The following EFCAB6 variants were observed in gnomAD, a reference collection of about 807,000 sequenced individuals.
EFCAB6 encodes the protein EF-hand calcium-binding domain-containing protein 6.
A neutral mutation model predicts 169.8 loss-of-function variants in EFCAB6; 156 were observed. That is an observed-to-expected ratio of 0.92 (90% confidence interval 0.81 to 1.05). EFCAB6 has a LOEUF of 1.05. Ranked by LOEUF, EFCAB6 falls within the 50% of genes least tolerant of loss-of-function variation. The pLI is 0.00. For missense variants in EFCAB6, 1,800 were observed against 1,829.1 expected (o/e 0.98, Z 0.29); for synonymous variants, 698 against 676.4 (o/e 1.03, Z -0.50).
At chr22:43,761,869 G>T (rs2061173465) in intron 5 of EFCAB6, among the ~76,000 whole-genome samples, 1 of 152,078 alleles carries the variant, frequency 6.6e-6, no homozygotes, top group South Asian at 2.1e-4. Flanking sequence ...CTCATTCTTT[G>T]ATAGTTCCAA....
At chr22:43,638,793 T>TAA (rs985482317) in intron 17 of EFCAB6, among the ~76,000 whole-genome samples, 1 of 152,062 alleles carries the variant, frequency 6.6e-6, no homozygotes, top group African/African-American at 2.4e-5. Context: ...CCTGTTCTTT[T>TAA]TTTTTTTTTG....
At chr22:43,589,971 A>G in intron 24 of EFCAB6, 103 bp downstream of exon 24, 3 of 1,447,224 alleles carry the variant, frequency 2.1e-6, no homozygotes, top group Non-Finnish European at 9.4e-7. Flanking sequence ...GGGTATTTTC[A>G]TCTCAGAAGG....
chr22:43,780,263 G>T (rs2061772599), intron 3 of EFCAB6, among the ~76,000 whole-genome samples: 1 of 152,014 alleles, frequency 6.6e-6, no homozygotes, highest in Admixed American at 6.5e-5. Flanking sequence ...GAGGGGGATA[G>T]ATCACTTGAG....
intron 4 of EFCAB6, among the ~76,000 whole-genome samples, chr22:43,772,633 T>C (rs1322215695): frequency 7.4e-5 from 8 of 107,490 alleles, no homozygotes; most frequent in African/African-American, 3.0e-4. Context: ...AAGAGTGAAA[T>C]TCTGTCTCAA....
chr22:43,609,184 A>G (rs2053134454), intron 21 of EFCAB6, among the ~76,000 whole-genome samples: 1 of 152,248 alleles, frequency 6.6e-6, no homozygotes, highest in African/African-American at 2.4e-5. Context: ...TGAGGTGGAT[A>G]TAACGGGTAC....
At chr22:43,596,045 G>A (rs1003307082) in intron 23 of EFCAB6, among the ~76,000 whole-genome samples, 2 of 151,928 alleles carry the variant, frequency 1.3e-5, no homozygotes, top group Non-Finnish European at 2.9e-5. Context: ...AAAATTCAAC[G>A]TCCTTTCTTG....
At chr22:43,768,058 C>T (rs938993713) in intron 4 of EFCAB6, among the ~76,000 whole-genome samples, 1 of 152,230 alleles carries the variant, frequency 6.6e-6, no homozygotes, top group Non-Finnish European at 1.5e-5. Context: ...TTTCTCCAAC[C>T]TGGCACAACC....
At chr22:43,613,266 C>T (rs145593536) in intron 21 of EFCAB6, among the ~76,000 whole-genome samples, 105 of 150,012 alleles carry the variant, frequency 7.0e-4, no homozygotes, top group Middle Eastern at 7.0e-3. Context: ...CAAATATATT[C>T]ATATCATATA....
chr22:43,741,169 C>T (rs2060356082), intron 6 of EFCAB6, among the ~76,000 whole-genome samples: 1 of 152,156 alleles, frequency 6.6e-6, no homozygotes, highest in Non-Finnish European at 1.5e-5. Context: ...CTAAGGCTCC[C>T]GACAATAGTG....
At position 43,635,366 on chromosome 22, in the gene EFCAB6, C is replaced by T. The variant is rs778361963; in HGVS notation, c.1984-150G>A. 26 of 639,954 alleles carry T rather than the reference C, an allele frequency of 4.1e-5. 1 individual carries two copies. Among genetic ancestry groups the T allele is most frequent in the South Asian group, 9.2e-5 (5 of 54,258 alleles). 39.6% of individuals were successfully genotyped at this position (639,954 alleles called of 1,614,324 possible). On this transcript the variant is annotated intron_variant, in intron 17 of 31. Coordinates refer to ENST00000262726, the MANE Select transcript of EFCAB6 (RefSeq NM_022785.4). ...CCCACAGGCTGCCAGGGGGTGGGAC[C>T]GAGTCTCCTGTGTCCCTGGGCCTTG...
At chr22:43,604,480 A>G (rs1232620494) in intron 22 of EFCAB6, among the ~76,000 whole-genome samples, 1 of 152,190 alleles carries the variant, frequency 6.6e-6, no homozygotes, top group Non-Finnish European at 1.5e-5. Flanking sequence ...ACTTCTTTGT[A>G]TTCAGTGCTT....
chr22:43,740,241 C>G lies in EFCAB6; in HGVS notation c.508-4248G>C, dbSNP rs549552046. ...CCAATCCTCTTATCTTCTCTCCAAACTCCTCTTCAAATGGCATCACCTCCT... is the reference window on the plus strand; with the variant it reads ...CCAATCCTCTTATCTTCTCTCCAAAGTCCTCTTCAAATGGCATCACCTCCT... On this transcript the variant is annotated intron_variant, in intron 6 of 31. Transcript: ENST00000262726. Among the ~76,000 whole-genome samples, 17 of 152,308 alleles carry G rather than the reference C, an allele frequency of 1.1e-4. 1 individual carries two copies. In the South Asian group the frequency reaches 2.7e-3, roughly 24 times the overall value.
intron 4 of EFCAB6, among the ~76,000 whole-genome samples, chr22:43,771,501 T>C (rs1245330672): frequency 6.6e-6 from 1 of 152,180 alleles, no homozygotes; most frequent in Non-Finnish European, 1.5e-5. Flanking sequence ...TACTTGTCTG[T>C]GTGTGTGCAT....
intron 17 of EFCAB6, among the ~76,000 whole-genome samples, chr22:43,641,517 G>A (rs993533433): frequency 6.6e-6 from 1 of 151,936 alleles, no homozygotes; most frequent in Non-Finnish European, 1.5e-5. Context: ...TTGGGAGGCT[G>A]AGGCAGGAGG....
intron 17 of EFCAB6, among the ~76,000 whole-genome samples, chr22:43,638,910 C>T (rs377175373): frequency 1.3e-4 from 20 of 151,968 alleles, no homozygotes; most frequent in South Asian, 6.3e-4. Context: ...CTCAGCCTCC[C>T]GAGTAGCTGG....
rs763217582 is a variant in EFCAB6 at position 43,668,998 on chromosome 22, T to C, written c.1688A>G (p.Lys563Arg). 1 of 1,612,266 alleles carries C rather than the reference T, an allele frequency of 6.2e-7. No individual in the cohort carries two copies. The highest frequency in any genetic ancestry group is 1.1e-5 in the South Asian group (1 of 90,494). ...QDIGSGRILY[K>R]KLLACIGIDG... ...AATTCCTATGCATGCCAAAAGTTTC[T>C]TGTAAAGGATTCTTCCTGAACCAAT... Residue 563 changes from lysine (K) to arginine (R), a missense_variant, in exon 16 of 32, where the codon AAG (lysine) becomes AGG (arginine). By Grantham distance (26) the Lys-to-Arg change is conservative. Transcript: ENST00000262726.
intron 4 of EFCAB6, among the ~76,000 whole-genome samples, chr22:43,772,432 G>A (rs1040764135): frequency 1.3e-5 from 2 of 152,158 alleles, no homozygotes; most frequent in African/African-American, 4.8e-5. Context: ...CTGAGGTCAG[G>A]AGTTCGAGAC....
chr22:43,529,160 A>AG (rs1252941893), intron 31 of EFCAB6, among the ~76,000 whole-genome samples, 185 bp from the exon 32 acceptor site: 1 of 152,172 alleles, frequency 6.6e-6, no homozygotes, highest in Non-Finnish European at 1.5e-5. Flanking sequence ...GCAGCCTCCA[A>AG]GGGCAGCCCT....
At position 43,572,379 on chromosome 22, in the gene EFCAB6, G is replaced by A. The variant is rs1455419872; in HGVS notation, c.3420+3918C>T. On this transcript the variant is annotated intron_variant, in intron 26 of 31. Coordinates refer to ENST00000262726, the MANE Select transcript of EFCAB6 (RefSeq NM_022785.4). This position sits in a 1 kb window ranked among gnomAD's most constrained non-coding sequence, Gnocchi z 4.0. ...AGGACACTCAGGCCTCGCTGAGGGG[G>A]GACAGCAGACATGGAGCTTCAAGCC... Among the ~76,000 whole-genome samples the A allele has an allele frequency of 6.6e-6, 1 of 152,170 alleles. No homozygotes were observed. Among genetic ancestry groups the A allele is most frequent in the African/African-American group, 2.4e-5 (1 of 41,440 alleles).
Sources: allele counts gnomAD v4.1 joint callset (sites outside exome capture counted in the v4.1 genomes callset), GRCh38; gene constraint gnomAD v4.1.1; non-coding constraint Gnocchi (gnomAD v3.1); transcripts MANE v1.5; gene names NCBI Gene and HGNC (gene_info 2026-07-23, HGNC 2026-07-21).